Variants in ARAP1 observed in about 807,000 individuals in gnomAD.
The protein encoded by ARAP1 is arf-GAP with Rho-GAP domain, ANK repeat and PH domain-containing protein 1.
A neutral mutation model predicts 172.2 loss-of-function variants in ARAP1; 76 were observed. The ratio of observed to expected loss-of-function variants is 0.44; its 90% confidence interval spans 0.37 to 0.53. The LOEUF is 0.53. Ranked by LOEUF, ARAP1 falls within the 20% of genes least tolerant of loss-of-function variation. The probability of loss-of-function intolerance (pLI) is 0.00; values close to 1 mark genes in which losing one functional copy is unlikely to be tolerated. For synonymous variants in ARAP1, 804 were observed against 803.3 expected (o/e 1.00, Z -0.01); for missense variants, 1,686 against 1,977.5 (o/e 0.85, Z 2.80).
At chr11:72,750,563 C>T (rs982301341) in intron 1 of ARAP1, among the ~76,000 whole-genome samples, 1 of 152,000 alleles carries the variant, frequency 6.6e-6, no homozygotes, top group African/African-American at 2.4e-5. Flanking sequence ...ATGCTGGAGA[C>T]AGGACTTAGC....
In ARAP1 at chr11:72,711,084, C is replaced by T. The variant is rs140120181; in HGVS notation, c.1150G>A (p.Gly384Arg). The T allele has an allele frequency of 1.5e-5, 25 of 1,614,236 alleles. No homozygotes were observed. Among genetic ancestry groups the T allele is most frequent in the Middle Eastern group, 1.6e-4 (1 of 6,062 alleles). ...GTGATCACTTCAAACTTCTGGTCCCCGATGGCAGCCACGTGGGAGATGCAG... is the reference window on the plus strand; with the variant it reads ...GTGATCACTTCAAACTTCTGGTCCCTGATGGCAGCCACGTGGGAGATGCAG... Reference protein sequence around the residue: ...VACISHVAAIGDQKFEVITNN... With the variant: ...VACISHVAAIRDQKFEVITNN... Residue 384 changes from glycine to arginine, a missense_variant, in exon 9 of 35, where the codon GGG (glycine) becomes AGG (arginine). Around this residue, in one of 5 missense-constraint regions of ARAP1, gnomAD observed 688 missense variants for 856.9 expected, o/e 0.80. Coordinates refer to ENST00000393609, the MANE Select transcript of ARAP1 (RefSeq NM_001040118.3).
chr11:72,690,105 G>T (rs1319616925), intron 30 of ARAP1, among the ~76,000 whole-genome samples: 1 of 152,182 alleles, frequency 6.6e-6, no homozygotes, highest in Non-Finnish European at 1.5e-5. Flanking sequence ...GGAGGAATCG[G>T]CTGAGGGGAT....
Position 72,725,762 on chromosome 11 carries a change from C to T in ARAP1, c.509+858G>A, listed in dbSNP as rs538476737. The stretch of plus-strand genomic sequence containing the variant: ...GCAGGGATCATGGAGACCATAGAAA[C>T]ACAGAGCCCAGCAGAGTGCCCAGCA... On this transcript the variant is annotated intron_variant, in intron 3 of 34. Transcript: ENST00000393609. This position sits in a 1 kb window ranked among gnomAD's most constrained non-coding sequence, Gnocchi z 4.3. Among the ~76,000 whole-genome samples the T allele has an allele frequency of 3.9e-5, 6 of 152,238 alleles. No individual in the cohort carries two copies. In the East Asian group the frequency reaches 7.7e-4, roughly 20 times the overall value.
intron 2 of ARAP1, among the ~76,000 whole-genome samples, chr11:72,732,015 T>C (rs1253824649): frequency 6.6e-6 from 1 of 152,184 alleles, no homozygotes; most frequent in East Asian, 1.9e-4. Context: ...ATGTTATATA[T>C]ATATGCAAAT....
chr11:72,710,536 C>T lies in ARAP1; in HGVS notation c.1265G>A (p.Arg422His), dbSNP rs148377320. The T allele has an allele frequency of 5.9e-3, 9,538 of 1,612,802 alleles. 53 individuals carry two copies. Among genetic ancestry groups the T allele is most frequent in the Non-Finnish European group, 6.5e-3 (7,705 of 1,179,962 alleles). ...AGCGCTAGAGAGCCGGGCCCGGGCA[C>T]GCTGCTCAGCCATGGCCTGCTGCAG... is the stretch of plus-strand genomic sequence containing the variant. Reference protein sequence around the residue: ...QALQQAMAEQRARARLSSAYL... With the variant: ...QALQQAMAEQHARARLSSAYL... The change falls in exon 10 of 35, where the codon CGT becomes CAT. Residue 422 changes from arginine (R) to histidine (H), a missense_variant. Arg to His is a conservative substitution (Grantham distance 29). Transcript: ENST00000393609. The surrounding 1 kb of genome is among the most constrained non-coding windows in gnomAD (Gnocchi z 4.3).
intron 14 of ARAP1, 60 bp from the exon 15 acceptor site, chr11:72,703,139 G>C: frequency 6.9e-7 from 1 of 1,454,426 alleles, no homozygotes; most frequent in South Asian, 1.4e-5. Context: ...AAGGAAAGGG[G>C]CTACGGGGGA....
intron 23 of ARAP1, 87 bp downstream of exon 23, chr11:72,696,462 C>T: frequency 9.0e-7 from 1 of 1,109,980 alleles, no homozygotes; most frequent in Admixed American, 2.9e-5. Context: ...GCCCAGCTGG[C>T]TCCCAGAGGA....
chr11:72,746,885 C>G (rs1858383738), intron 1 of ARAP1, among the ~76,000 whole-genome samples: 1 of 152,226 alleles, frequency 6.6e-6, no homozygotes, highest in Non-Finnish European at 1.5e-5. Context: ...GACTCTGCAC[C>G]TGACTACAGG....
At chr11:72,692,987 G>A in intron 29 of ARAP1, 5 of 683,574 alleles carry the variant, frequency 7.3e-6, no homozygotes, top group Admixed American at 2.4e-5. Flanking sequence ...TATGACATAC[G>A]ATATGACAAG....
In ARAP1 at chr11:72,710,452, C is replaced by A. The variant is rs144700339; in HGVS notation, c.1349G>T (p.Arg450Leu). Residue 450 changes from arginine (R) to leucine (L), a missense_variant, in exon 10 of 35, where the codon CGT becomes CTT. By Grantham distance (102) the Arg-to-Leu change is moderately radical. Around this residue, in one of 5 missense-constraint regions of ARAP1, gnomAD observed 688 missense variants for 856.9 expected, o/e 0.80. Transcript: ENST00000393609. This position sits in a 1 kb window ranked among gnomAD's most constrained non-coding sequence, Gnocchi z 4.3. ...CACGTACAGCTTATTCTTGAAGCCA[C>A]GAAGCTCCAGGCTGCCAGCGCGGTC... Reference protein sequence around the residue: ...QPDRAGSLELRGFKNKLYVAV... With the variant: ...QPDRAGSLELLGFKNKLYVAV... 2 of 1,613,946 alleles carry A rather than the reference C, an allele frequency of 1.2e-6. No individual in the cohort carries two copies. Among genetic ancestry groups the A allele is most frequent in the African/African-American group, 1.3e-5 (1 of 74,892 alleles).
At chr11:72,692,707 C>T in intron 30 of ARAP1, 46 bp downstream of exon 30, 2 of 1,612,840 alleles carry the variant, frequency 1.2e-6, no homozygotes, top group Non-Finnish European at 8.5e-7. Context: ...CTCATTTGGC[C>T]CCCAGGTGGT....
intron 3 of ARAP1, among the ~76,000 whole-genome samples, chr11:72,720,403 C>T (rs1857459064): frequency 6.6e-6 from 1 of 152,182 alleles, no homozygotes; most frequent in African/African-American, 2.4e-5. Context: ...CTGCCTAGCC[C>T]CCAGCATAGA....
At chr11:72,716,573 T>A (rs147970785) in intron 3 of ARAP1, among the ~76,000 whole-genome samples, 163 of 152,392 alleles carry the variant, frequency 1.1e-3, no homozygotes, top group African/African-American at 3.7e-3. Context: ...CTTCGCTCAG[T>A]GTGGTGACTT....
chr11:72,686,163 G>T lies in ARAP1; in HGVS notation c.4214C>A (p.Pro1405His). 1 of 1,613,648 alleles carries T rather than the reference G, an allele frequency of 6.2e-7. No individual in the cohort carries two copies. Among genetic ancestry groups the T allele is most frequent in the Non-Finnish European group, 8.5e-7 (1 of 1,179,868 alleles). ...QHDGLVWPSE[P>H]SRVSRAVPEV... is the part of the protein sequence containing the mutation. ...AGGCACTGCCCGGGACACGCGTGAG[G>T]GCTCTGAGGGCCACACCAGGCCGTC... Residue 1405 changes from proline to histidine, a missense_variant, in exon 34 of 35, where the codon CCC becomes CAC. By Grantham distance (77) the Pro-to-His change is moderately conservative. Around this residue, in one of 5 missense-constraint regions of ARAP1, gnomAD observed 379 missense variants for 500.1 expected, o/e 0.76. Transcript: ENST00000393609.
At chr11:72,713,764 G>A (rs966911259) in intron 4 of ARAP1, among the ~76,000 whole-genome samples, 2 of 151,416 alleles carry the variant, frequency 1.3e-5, no homozygotes, top group African/African-American at 2.4e-5. Flanking sequence ...GGAGAAGGGC[G>A]TGAACCCAGG....
intron 1 of ARAP1, among the ~76,000 whole-genome samples, chr11:72,733,567 G>C (rs2135580218): frequency 6.6e-6 from 1 of 152,286 alleles, no homozygotes; most frequent in Admixed American, 6.5e-5. Context: ...TTGCTATGCA[G>C]ACAGCCGGAG....
chr11:72,715,954 C>T (rs774555673), intron 3 of ARAP1, among the ~76,000 whole-genome samples: 17 of 151,920 alleles, frequency 1.1e-4, no homozygotes, highest in Non-Finnish European at 2.1e-4. Context: ...GCGCGGATCA[C>T]GAGGTCAGGA....
intron 1 of ARAP1, among the ~76,000 whole-genome samples, chr11:72,748,514 C>T (rs1053029734): frequency 4.5e-4 from 64 of 142,356 alleles, no homozygotes; most frequent in African/African-American, 1.7e-3. Flanking sequence ...AGCAAGACTC[C>T]ATCTCAAAAA....
chr11:72,711,366 G>A lies in ARAP1; in HGVS notation c.1092+64C>T, dbSNP rs372722430. The A allele has an allele frequency of 8.5e-5, 132 of 1,561,392 alleles. No individual in the cohort carries two copies. The East Asian group carries it at 1.1e-3, about 13-fold the overall frequency. ...CTCCTCTGGGGAGGGACGCCACCTC[G>A]CTCCAGTGTTGGGGCCAGCCTAGGC... On this transcript the variant is annotated intron_variant, in intron 8 of 34. Transcript: ENST00000393609.
Sources: gnomAD v4.1 joint callset for allele counts (sites outside exome capture counted in the v4.1 genomes callset) on GRCh38, gnomAD v4.1.1 for gene constraint, gnomAD v4.1.1 regional missense constraint, Gnocchi (gnomAD v3.1) non-coding constraint, MANE v1.5 for transcripts, NCBI Gene and HGNC (gene_info 2026-07-23, HGNC 2026-07-21) for gene names.